LIN54: variants seen among roughly 807,000 people sequenced by gnomAD.
LIN54 encodes protein lin-54 homolog.
LIN54 carries 9 observed loss-of-function variants against 78.7 expected under a neutral mutation model. The ratio of observed to expected loss-of-function variants is 0.11; its 90% confidence interval spans 0.07 to 0.20. The LOEUF (loss-of-function observed/expected upper bound fraction) is 0.20, where lower values mean the gene tolerates loss of function less well. LIN54 is among the 10% of genes least tolerant of loss of function. The probability of loss-of-function intolerance (pLI) is 1.00; values close to 1 mark genes in which losing one functional copy is unlikely to be tolerated. For missense variants in LIN54, 573 were observed against 889.9 expected (o/e 0.64, Z 4.53); for synonymous variants, 269 against 318.4 (o/e 0.84, Z 1.65).
intron 1 of LIN54, among the ~76,000 whole-genome samples, chr4:83,000,827 C>CTTTT (rs1553959274): frequency 2.5e-5 from 3 of 120,534 alleles, no homozygotes; most frequent in African/African-American, 6.5e-5. Context: ...GCAATAAATT[C>CTTTT]TTTTTTTTTT....
chr4:82,959,522 A>C (rs1235796366), intron 4 of LIN54, among the ~76,000 whole-genome samples: 1 of 152,140 alleles, frequency 6.6e-6, no homozygotes, highest in Non-Finnish European at 1.5e-5. Context: ...AAAACAAAAA[A>C]AACCCCAAAA....
At chr4:82,974,018 G>A (rs1725911183) in intron 3 of LIN54, among the ~76,000 whole-genome samples, 1 of 152,068 alleles carries the variant, frequency 6.6e-6, no homozygotes, top group South Asian at 2.1e-4. Flanking sequence ...GGACCATCCT[G>A]GCTAACACGG....
At chr4:82,974,737 A>G (rs1450042567) in intron 3 of LIN54, among the ~76,000 whole-genome samples, 1 of 151,876 alleles carries the variant, frequency 6.6e-6, no homozygotes, top group African/African-American at 2.4e-5. Flanking sequence ...ACTCCATCTT[A>G]AATCCCAGCT....
chr4:82,949,857 T>C (rs1723717948), intron 4 of LIN54, among the ~76,000 whole-genome samples: 1 of 149,360 alleles, frequency 6.7e-6, no homozygotes. Context: ...TTTTTTTTTT[T>C]TTTTTCCAGA....
chr4:83,005,077 G>A (rs2126113868), intron 1 of LIN54, among the ~76,000 whole-genome samples: 1 of 152,006 alleles, frequency 6.6e-6, no homozygotes, highest in East Asian at 1.9e-4. Flanking sequence ...GTATTTTTTA[G>A]TAGAGACGAG....
intron 4 of LIN54, among the ~76,000 whole-genome samples, chr4:82,947,235 A>ATATATATATT: frequency 1.8e-3 from 78 of 44,268 alleles, no homozygotes; most frequent in East Asian, 8.1e-3. Context: ...ATATATATAT[A>ATATATATATT]TTTTTTTTTT....
At chr4:82,996,026 TC>T (rs1320914407) in intron 1 of LIN54, among the ~76,000 whole-genome samples, 6 of 151,684 alleles carry the variant, frequency 4.0e-5, no homozygotes, top group African/African-American at 1.5e-4. Context: ...ATGCCTGTAA[TC>T]CCAGCTACTC....
At chr4:82,970,212 G>T in intron 4 of LIN54, 115 bp downstream of exon 4, 1 of 934,920 alleles carries the variant, frequency 1.1e-6, no homozygotes, top group Non-Finnish European at 1.6e-6. Flanking sequence ...AGTATTCATT[G>T]AATGTCTATT....
chr4:82,995,642 C>T (rs1483280478), intron 1 of LIN54, among the ~76,000 whole-genome samples: 6 of 151,284 alleles, frequency 4.0e-5, no homozygotes, highest in African/African-American at 7.3e-5. Flanking sequence ...ACTACAGGTG[C>T]GTGCCACCAC....
Position 82,927,076 on chromosome 4 carries a change from G to A in LIN54, c.*1026C>T, listed in dbSNP as rs1484618788. 6.6e-6 allele frequency: 1 copy of A among 152,258 alleles called. No individual in the cohort carries two copies. The highest frequency in any genetic ancestry group is 2.4e-5 in the African/African-American group (1 of 41,308). The allele number at this position is 152,258 out of a possible 1,614,324, so 9.4% of individuals were successfully genotyped here. ...GCAGGAGAATCGCTTGAACCTGGGA[G>A]GCAGAGGCGTTGCAGTGAGCTGAGA... On this transcript the variant is annotated 3_prime_UTR_variant, in exon 13 of 13. Transcript: ENST00000340417.
rs566891967 is a variant in LIN54, at chr4:82,980,003, G to A, written c.685-997C>T. Among the ~76,000 whole-genome samples, 3 of 147,670 alleles carry A rather than the reference G, an allele frequency of 2.0e-5. No homozygotes were observed. In the South Asian group the frequency reaches 6.4e-4, roughly 31 times the overall value. ...ATCTCGTCACCCAGACTGGAGTGCA[G>A]TGGTGCACTCATAGTTCACTGCAGC... is the stretch of plus-strand genomic sequence containing the variant. On this transcript the variant is annotated intron_variant, in intron 2 of 12. Transcript: ENST00000340417.
At chr4:82,995,941 T>G (rs1464274490) in intron 1 of LIN54, among the ~76,000 whole-genome samples, 1 of 149,814 alleles carries the variant, frequency 6.7e-6, no homozygotes. Context: ...AGGTCAGGAG[T>G]TCAAGACCAG....
chr4:83,004,336 T>C (rs1397160529), intron 1 of LIN54, among the ~76,000 whole-genome samples: 1 of 146,290 alleles, frequency 6.8e-6, no homozygotes, highest in African/African-American at 2.5e-5. Context: ...GAGGCGGAGG[T>C]TGCAGTGAGC....
chr4:83,010,687 G>A lies in LIN54; in HGVS notation c.-236C>T. On this transcript the variant is annotated 5_prime_UTR_variant, in exon 1 of 13. Transcript: ENST00000340417. ...GAGCCGGGGTGGCGACGTCGCCGTC[G>A]CCGCCGCCTCTGGTATGTCAGGGGC... 8.2e-7 allele frequency: 1 copy of A among 1,224,828 alleles called. No individual in the cohort carries two copies. Among genetic ancestry groups the A allele is most frequent in the Non-Finnish European group, 1.0e-6 (1 of 983,428 alleles). 75.9% of individuals were successfully genotyped at this position (1,224,828 alleles called of 1,614,324 possible).
chr4:82,979,979 T>C (rs1035150675), intron 2 of LIN54, among the ~76,000 whole-genome samples: 3 of 135,380 alleles, frequency 2.2e-5, no homozygotes, highest in African/African-American at 7.8e-5. Flanking sequence ...CTGGGTCTCA[T>C]CTCGTCACCC....
At chr4:83,011,147 G>A (rs989529430), upstream of LIN54, among the ~76,000 whole-genome samples, 1 of 152,204 alleles carries the variant, frequency 6.6e-6, no homozygotes, top group African/African-American at 2.4e-5. Flanking sequence ...AGAGATGGTG[G>A]AATGCGTTTC....
Position 82,927,904 on chromosome 4 carries a change from G to C in LIN54, c.*198C>G. On this transcript the variant is annotated 3_prime_UTR_variant, in exon 13 of 13. Coordinates refer to ENST00000340417, the MANE Select transcript of LIN54 (RefSeq NM_194282.4). ...TAAAGAAAAATTCAATTTAGAAGGGGCATAAGCAGATTTAACTAAGATTTA... is the reference window on the plus strand; with the variant it reads ...TAAAGAAAAATTCAATTTAGAAGGGCCATAAGCAGATTTAACTAAGATTTA... 3.6e-6 allele frequency: 2 copies of C among 551,582 alleles called. No individual in the cohort carries two copies. The allele number at this position is 551,582 out of a possible 1,614,324, so 34.2% of individuals were successfully genotyped here.
At chr4:82,953,051 C>T (rs567735009) in intron 4 of LIN54, among the ~76,000 whole-genome samples, 1 of 152,318 alleles carries the variant, frequency 6.6e-6, no homozygotes, top group South Asian at 2.1e-4. Flanking sequence ...AGCTTAGGCA[C>T]TCGCGAGGCA....
intron 4 of LIN54, among the ~76,000 whole-genome samples, chr4:82,947,235 A>ATATATATATATATTTTTTT: frequency 2.3e-5 from 1 of 44,292 alleles, no homozygotes; most frequent in African/African-American, 1.0e-4. Flanking sequence ...ATATATATAT[A>ATATATATATATATTTTTTT]TTTTTTTTTT....
Sources: gnomAD v4.1 joint callset for allele counts (sites outside exome capture counted in the v4.1 genomes callset) on GRCh38, gnomAD v4.1.1 for gene constraint, MANE v1.5 for transcripts, NCBI Gene and HGNC (gene_info 2026-07-23, HGNC 2026-07-21) for gene names.